VPS13B: variants seen among roughly 807,000 people sequenced by gnomAD.
VPS13B encodes intermembrane lipid transfer protein VPS13B.
A neutral mutation model predicts 426.4 loss-of-function variants in VPS13B; 285 were observed. The observed-to-expected ratio is 0.67, with a 90% CI of 0.61 to 0.74. VPS13B has a LOEUF of 0.74. VPS13B is among the 30% of genes least tolerant of loss of function. The probability of loss-of-function intolerance (pLI) is 0.00; values close to 1 mark genes in which losing one functional copy is unlikely to be tolerated. For missense variants in VPS13B, 4,537 were observed against 4,782.6 expected (o/e 0.95, Z 1.51); for synonymous variants, 1,676 against 1,676.4 (o/e 1.00, Z 0.01).
chr8:99,501,967 G>GTCTC, intron 26 of VPS13B, 109 bp downstream of exon 26: 1 of 1,241,728 alleles, frequency 8.1e-7, no homozygotes, highest in Non-Finnish European at 1.1e-6. Context: ...CTGTCTGTCT[G>GTCTC]TCTGTCTTTC....
intron 19 of VPS13B, among the ~76,000 whole-genome samples, chr8:99,358,785 A>G (rs1040376160): frequency 2.0e-5 from 3 of 152,170 alleles, no homozygotes; most frequent in Admixed American, 2.0e-4. Context: ...TGCCATTATT[A>G]TATAGATCTT....
chr8:99,391,814 G>A, intron 21 of VPS13B, 110 bp downstream of exon 21: 1 of 1,386,394 alleles, frequency 7.2e-7, no homozygotes, highest in Non-Finnish European at 1.0e-6. Flanking sequence ...CTCATTGAGT[G>A]GAGACAAAGA....
At chr8:99,677,651 T>G (rs952611681) in intron 35 of VPS13B, among the ~76,000 whole-genome samples, 2 of 152,020 alleles carry the variant, frequency 1.3e-5, no homozygotes, top group East Asian at 3.9e-4. Context: ...CCTCAAAGAG[T>G]CATAGAGGCT....
At chr8:99,037,276 A>C (rs989550641) in intron 2 of VPS13B, among the ~76,000 whole-genome samples, 2 of 152,022 alleles carry the variant, frequency 1.3e-5, no homozygotes, top group East Asian at 1.9e-4. Context: ...TTAAAAAAAA[A>C]CCCTCTGGTT....
At chr8:99,365,512 TCTTC>T (rs1271955831) in intron 19 of VPS13B, among the ~76,000 whole-genome samples, 1 of 59,922 alleles carries the variant, frequency 1.7e-5, no homozygotes, top group African/African-American at 5.8e-5. Flanking sequence ...TTCTTCTTCT[TCTTC>T]TTTTTTTTTT....
At chr8:99,276,025 G>A (rs1221403758) in intron 19 of VPS13B, among the ~76,000 whole-genome samples, 5 of 152,142 alleles carry the variant, frequency 3.3e-5, no homozygotes, top group Non-Finnish European at 7.4e-5. Flanking sequence ...CTGCTTTAGA[G>A]TAGAGCTTCA....
chr8:99,490,936 C>T (rs916268604), intron 25 of VPS13B, among the ~76,000 whole-genome samples: 6 of 151,986 alleles, frequency 3.9e-5, no homozygotes, highest in Admixed American at 3.9e-4. Context: ...TATTTCTTGT[C>T]TTCTGCTACA....
chr8:99,824,767 C>G (rs1024454084), intron 51 of VPS13B, among the ~76,000 whole-genome samples: 12 of 152,154 alleles, frequency 7.9e-5, no homozygotes, highest in African/African-American at 2.2e-4. Flanking sequence ...TGATGTCCCC[C>G]CTCCCTGTGC....
chr8:99,621,100 G>A lies in VPS13B; in HGVS notation c.5221-20711G>A, dbSNP rs1439037636. Among the ~76,000 whole-genome samples, 3 of 151,814 alleles carry A rather than the reference G, an allele frequency of 2.0e-5. No homozygotes were observed. The East Asian group carries it at 5.8e-4, about 29-fold the overall frequency. On this transcript the variant is annotated intron_variant, in intron 33 of 61. Transcript: ENST00000357162. ...CTCCTTTAGTTAGGGTTAGGAAGAA[G>A]TTGTTAAAGATTGAGATTATTTCCC...
At chr8:99,267,503 GAAGATCAA>G (rs981226868) in intron 17 of VPS13B, among the ~76,000 whole-genome samples, 7 of 152,258 alleles carry the variant, frequency 4.6e-5, no homozygotes, top group African/African-American at 1.7e-4. Flanking sequence ...GCTGAGGTGG[GAAGATCAA>G]AAGATCAGGA....
At chr8:99,844,849 A>G (rs1815897270) in intron 54 of VPS13B, among the ~76,000 whole-genome samples, 1 of 152,102 alleles carries the variant, frequency 6.6e-6, no homozygotes, top group African/African-American at 2.4e-5. Context: ...TCTCTCTATT[A>G]TCTTCCATTT....
intron 45 of VPS13B, among the ~76,000 whole-genome samples, chr8:99,818,150 C>G (rs981886275): frequency 4.6e-5 from 7 of 152,162 alleles, no homozygotes; most frequent in African/African-American, 1.7e-4. Flanking sequence ...CTTCCTCAGT[C>G]TTTACCATCA....
chr8:99,106,774 T>C (rs775993835), intron 5 of VPS13B, among the ~76,000 whole-genome samples: 3 of 152,240 alleles, frequency 2.0e-5, no homozygotes, highest in Non-Finnish European at 4.4e-5. Flanking sequence ...AATAGTTCAG[T>C]TCTGCGTGTA....
In VPS13B at chr8:99,275,064, T is replaced by A. The variant is rs746889754; in HGVS notation, c.2651-17T>A. 18 of 1,578,698 alleles carry A rather than the reference T, an allele frequency of 1.1e-5. No individual in the cohort carries two copies. The highest frequency in any genetic ancestry group is 1.5e-5 in the Non-Finnish European group (17 of 1,164,518). On this transcript the variant is annotated splice_polypyrimidine_tract_variant and intron_variant, in intron 18 of 61. Coordinates refer to ENST00000357162, the MANE Select transcript of VPS13B (RefSeq NM_152564.5). ...ATGTTTTATTTTTATTATTGTTTTA[T>A]AAATATTTCTTTTCAGTTGATAGTG...
At chr8:99,505,710 G>A (rs1821462587) in intron 27 of VPS13B, among the ~76,000 whole-genome samples, 2 of 152,116 alleles carry the variant, frequency 1.3e-5, no homozygotes, top group African/African-American at 2.4e-5. Flanking sequence ...CACAGAGACT[G>A]GAAGTCAGCA....
intron 34 of VPS13B, among the ~76,000 whole-genome samples, chr8:99,657,470 T>TTGTGTG (rs34355540): frequency 2.0e-5 from 3 of 146,906 alleles, no homozygotes; most frequent in Non-Finnish European, 4.5e-5. Context: ...ACTTTAAAAA[T>TTGTGTG]TGTGTGTGTG....
chr8:99,168,490 C>T (rs534237141), intron 15 of VPS13B, among the ~76,000 whole-genome samples: 1 of 151,844 alleles, frequency 6.6e-6, no homozygotes, highest in Non-Finnish European at 1.5e-5. Flanking sequence ...ATTCATAACT[C>T]GAAATATTTG....
At chr8:99,317,768 C>A (rs894523460) in intron 19 of VPS13B, among the ~76,000 whole-genome samples, 5 of 152,110 alleles carry the variant, frequency 3.3e-5, no homozygotes, top group Admixed American at 6.6e-5. Context: ...AACAATGGGA[C>A]TTCTCTTTGA....
At chr8:99,377,154 T>C (rs1203733769) in intron 19 of VPS13B, among the ~76,000 whole-genome samples, 1 of 152,120 alleles carries the variant, frequency 6.6e-6, no homozygotes, top group Non-Finnish European at 1.5e-5. Flanking sequence ...TTGCTTAGTG[T>C]AGATTTATTT....
Sources: gnomAD v4.1 joint callset for allele counts (sites outside exome capture counted in the v4.1 genomes callset) on GRCh38, gnomAD v4.1.1 for gene constraint, MANE v1.5 for transcripts, NCBI Gene and HGNC (gene_info 2026-07-23, HGNC 2026-07-21) for gene names.